LOXL1: variants seen among roughly 807,000 people sequenced by gnomAD.
LOXL1 encodes the protein lysyl oxidase homolog 1.
A neutral mutation model predicts 62.2 loss-of-function variants in LOXL1; 31 were observed. The observed-to-expected ratio is 0.50, with a 90% CI of 0.37 to 0.67. The LOEUF (loss-of-function observed/expected upper bound fraction) is 0.67, where lower values mean the gene tolerates loss of function less well. LOXL1 is among the 30% of genes least tolerant of loss of function. LOXL1 has a pLI of 0.00. For synonymous variants in LOXL1, 403 were observed against 384.4 expected, an observed-to-expected ratio of 1.05 and a Z score of -0.56; for missense variants, 775 against 843.4, an observed-to-expected ratio of 0.92 and a Z score of 1.00.
chr15:73,926,912 C>A lies in LOXL1; in HGVS notation c.129C>A (p.Ile43=). 2 of 1,570,070 alleles carry A rather than the reference C, an allele frequency of 1.3e-6. No individual in the cohort carries two copies. The highest frequency in any genetic ancestry group is 1.7e-6 in the Non-Finnish European group (2 of 1,158,792). Residue 43 remains isoleucine (I), a synonymous_variant, in exon 1 of 7, where the codon ATC becomes ATA. Transcript: ENST00000261921. ...GSDPARWRQL[I]QWENNGQVYS... is the part of the protein sequence containing the mutation. ...ACCCCGCCCGCTGGCGGCAGCTGAT[C>A]CAGTGGGAGAACAACGGGCAGGTGT...
At chr15:73,931,677 A>G (rs1339279253) in intron 1 of LOXL1, among the ~76,000 whole-genome samples, 1 of 152,030 alleles carries the variant, frequency 6.6e-6, no homozygotes, top group Non-Finnish European at 1.5e-5. Flanking sequence ...AGTCCCTGAG[A>G]GCAGCCCTGG....
At chr15:73,943,027 C>A in intron 2 of LOXL1, 65 bp downstream of exon 2, 12 of 1,283,014 alleles carry the variant, frequency 9.4e-6, no homozygotes, top group Non-Finnish European at 1.2e-5. Context: ...AGAACCCAGC[C>A]TAGCTGTGGC....
At position 73,943,103 on chromosome 15, in the gene LOXL1, C is replaced by G. The variant is rs577521848; in HGVS notation, c.1211+141C>G. The G allele has an allele frequency of 1.2e-4, 83 of 666,530 alleles. No homozygotes were observed. In the South Asian group the frequency reaches 1.4e-3, roughly 11 times the overall value. The allele number at this position is 666,530 out of a possible 1,614,324, so 41.3% of individuals were successfully genotyped here. On this transcript the variant is annotated intron_variant, in intron 2 of 6. Transcript: ENST00000261921. The stretch of plus-strand genomic sequence containing the variant: ...TGCCCCAGCCTCCCAGGACCCTGAC[C>G]GTTTCATCAGTGAGCCTTGCCTGCC...
At chr15:73,937,287 T>A (rs1355244413) in intron 1 of LOXL1, among the ~76,000 whole-genome samples, 1 of 152,218 alleles carries the variant, frequency 6.6e-6, no homozygotes, top group Non-Finnish European at 1.5e-5. Flanking sequence ...CAGAGGAAGC[T>A]CCAGGGGCAG....
chr15:73,951,824 T>G lies in LOXL1; in HGVS notation c.1719-7T>G, dbSNP rs763140053. 6.5e-7 allele frequency: 1 copy of G among 1,549,186 alleles called. No homozygotes were observed. Among genetic ancestry groups the G allele is most frequent in the Non-Finnish European group, 8.7e-7 (1 of 1,143,886 alleles). On this transcript the variant is annotated splice_polypyrimidine_tract_variant and splice_region_variant and intron_variant, in intron 6 of 6. Coordinates refer to ENST00000261921, the MANE Select transcript of LOXL1 (RefSeq NM_005576.4). ...CCCTCATTGACCCACTGTCTTTCCT[T>G]CCTCAGATCCTGATCTCCGGGAGGG...
At chr15:73,935,934 G>GGTTGTGT (rs1555433151) in intron 1 of LOXL1, among the ~76,000 whole-genome samples, 1 of 131,838 alleles carries the variant, frequency 7.6e-6, no homozygotes, top group Non-Finnish European at 1.6e-5. Flanking sequence ...AGGTAGAGCT[G>GGTTGTGT]GTGTGTGTGT....
intron 5 of LOXL1, 41 bp from the exon 6 acceptor site, chr15:73,949,418 C>T (rs762530235): frequency 5.7e-6 from 7 of 1,217,722 alleles, no homozygotes; most frequent in Non-Finnish European, 6.1e-6. Flanking sequence ...TGCAGCCCCC[C>T]TGACTAGACT....
rs1567083085 is a variant in LOXL1, at chr15:73,927,808, C to T, written c.1025C>T (p.Pro342Leu). Residue 342 changes from proline (P) to leucine (L), a missense_variant, in exon 1 of 7, where the codon CCG (proline) becomes CTG (leucine). Coordinates refer to ENST00000261921, the MANE Select transcript of LOXL1 (RefSeq NM_005576.4). ...GTGCGCAGCTCCGACACGCCCCCGC[C>T]GGGTGGGGAGCGGAACGGCGCGCAG... ...LPVRSSDTPP[P>L]GGERNGAQQG... The T allele has an allele frequency of 1.5e-6, 2 of 1,371,434 alleles. No homozygotes were observed. The highest frequency in any genetic ancestry group is 1.9e-6 in the Non-Finnish European group (2 of 1,071,158). 85.0% of individuals were successfully genotyped at this position (1,371,434 alleles called of 1,614,324 possible).
chr15:73,938,130 T>C (rs1173267543), intron 1 of LOXL1, among the ~76,000 whole-genome samples: 1 of 151,336 alleles, frequency 6.6e-6, no homozygotes, highest in Admixed American at 6.6e-5. Flanking sequence ...CTACTAAAAA[T>C]ACAAAATTTA....
At position 73,927,598 on chromosome 15, in the gene LOXL1, G is replaced by T. The variant is rs773814901; in HGVS notation, c.815G>T (p.Arg272Leu). Residue 272 changes from arginine (R) to leucine (L), a missense_variant, in exon 1 of 7, where the codon CGC (arginine) becomes CTC (leucine). Transcript: ENST00000261921. ...PPPPPPDGLDRRYSHSLYSEG... is the reference protein window; with the variant it reads ...PPPPPPDGLDLRYSHSLYSEG... ...CCGCCGCCCCCCGACGGCCTGGACC[G>T]CCGCTACTCGCACAGTCTGTACAGC... is the stretch of plus-strand genomic sequence containing the variant. The T allele has an allele frequency of 4.7e-6, 7 of 1,501,100 alleles. No individual in the cohort carries two copies. In the African/African-American group the frequency reaches 8.7e-5, roughly 19 times the overall value. 93.0% of individuals were successfully genotyped at this position (1,501,100 alleles called of 1,614,324 possible).
Position 73,943,101 on chromosome 15 carries a change from A to G in LOXL1, c.1211+139A>G, listed in dbSNP as rs556433430. On this transcript the variant is annotated intron_variant, in intron 2 of 6. Coordinates refer to ENST00000261921, the MANE Select transcript of LOXL1 (RefSeq NM_005576.4). Reference sequence around the variant, plus strand: ...AGTGCCCCAGCCTCCCAGGACCCTGACCGTTTCATCAGTGAGCCTTGCCTG... The same window carrying G: ...AGTGCCCCAGCCTCCCAGGACCCTGGCCGTTTCATCAGTGAGCCTTGCCTG... 71 of 673,400 alleles carry G rather than the reference A, an allele frequency of 1.1e-4. No homozygotes were observed. In the African/African-American group the frequency reaches 1.3e-3, roughly 12 times the overall value. 41.7% of individuals were successfully genotyped at this position (673,400 alleles called of 1,614,324 possible).
intron 2 of LOXL1, 135 bp from the exon 3 acceptor site, chr15:73,946,282 A>C: frequency 1.6e-6 from 1 of 640,676 alleles, no homozygotes. Context: ...GAGACAGAGG[A>C]GAAGATCTTC....
intron 1 of LOXL1, among the ~76,000 whole-genome samples, chr15:73,940,778 A>G (rs1347414160): frequency 6.6e-6 from 1 of 152,216 alleles, no homozygotes; most frequent in Non-Finnish European, 1.5e-5. Context: ...GTGTGTGTAC[A>G]TAGTCAGGGC....
chr15:73,939,683 G>A (rs926201611), intron 1 of LOXL1, among the ~76,000 whole-genome samples: 6 of 152,176 alleles, frequency 3.9e-5, no homozygotes, highest in South Asian at 2.1e-4. Context: ...GAAGCCACAC[G>A]GCTTTATACA....
intron 1 of LOXL1, among the ~76,000 whole-genome samples, chr15:73,932,822 T>C (rs960225092): frequency 6.6e-5 from 10 of 152,208 alleles, no homozygotes; most frequent in Non-Finnish European, 1.5e-4. Context: ...CCCGAAGTTG[T>C]CTCAGATTGT....
intron 1 of LOXL1, among the ~76,000 whole-genome samples, chr15:73,940,453 GT>G (rs77904740): frequency 0.19 from 27,150 of 145,680 alleles, 2,608 homozygotes; most frequent in East Asian, 0.34. Flanking sequence ...AGCAATTCCT[GT>G]TTTTTTTTTT....
Position 73,938,754 on chromosome 15 carries a change from G to A in LOXL1, c.1103-4100G>A, listed in dbSNP as rs1244283105. ...CATTTGACTGGGTGCGGTGGTTCAC[G>A]CCTGCAATCCCAGGACTTTGGGAGG... On this transcript the variant is annotated intron_variant, in intron 1 of 6. Coordinates refer to ENST00000261921, the MANE Select transcript of LOXL1 (RefSeq NM_005576.4). Among the ~76,000 whole-genome samples, 8 of 152,066 alleles carry A rather than the reference G, an allele frequency of 5.3e-5. No individual in the cohort carries two copies. In the East Asian group the frequency reaches 9.7e-4, roughly 18 times the overall value.
chr15:73,950,114 G>C (rs2068773726), intron 6 of LOXL1, among the ~76,000 whole-genome samples: 1 of 151,978 alleles, frequency 6.6e-6, no homozygotes, highest in Admixed American at 6.6e-5. Flanking sequence ...TCAGTCCCTA[G>C]GCCCCCATTG....
At position 73,927,287 on chromosome 15, in the gene LOXL1, C is replaced by T; in HGVS notation, c.504C>T (p.Arg168=). 6.2e-7 allele frequency: 1 copy of T among 1,603,454 alleles called. No individual in the cohort carries two copies. The highest frequency in any genetic ancestry group is 8.5e-7 in the Non-Finnish European group (1 of 1,177,416). ...CTTCGGCCTTCGCCAGCACCTACCG[C>T]CAGCAGCCCTCCTACCCGCAGCAGT... ...VSASAFASTY[R]QQPSYPQQFP... The change falls in exon 1 of 7, where the codon CGC becomes CGT. Residue 168 remains arginine, a synonymous_variant. Coordinates refer to ENST00000261921, the MANE Select transcript of LOXL1 (RefSeq NM_005576.4).
Sources: allele counts gnomAD v4.1 joint callset (sites outside exome capture counted in the v4.1 genomes callset), GRCh38; gene constraint gnomAD v4.1.1; transcripts MANE v1.5; gene names NCBI Gene and HGNC (gene_info 2026-07-23, HGNC 2026-07-21).